The following RPTOR variants were observed in gnomAD, a reference collection of about 807,000 sequenced individuals.
RPTOR encodes the protein regulatory-associated protein of mTOR.
Under a neutral mutation model 169.9 loss-of-function variants are expected in RPTOR, and 21 were observed. The ratio of observed to expected loss-of-function variants is 0.12; its 90% CI spans 0.09 to 0.18. The LOEUF (loss-of-function observed/expected upper bound fraction) is 0.18, where lower values mean the gene tolerates loss of function less well. RPTOR is among the 10% of genes least tolerant of loss of function. The pLI, the probability that RPTOR is intolerant of heterozygous loss-of-function variation, is 1.00. For missense variants in RPTOR, 1,133 were observed against 1,855.9 expected (o/e 0.61, Z 7.16); for synonymous variants, 732 against 753.2 (o/e 0.97, Z 0.46).
At chr17:80,653,960 A>G (rs909062258) in intron 3 of RPTOR, among the ~76,000 whole-genome samples, 1 of 152,110 alleles carries the variant, frequency 6.6e-6, no homozygotes, top group Non-Finnish European at 1.5e-5. Flanking sequence ...AATTCCCCCC[A>G]CAAGAGTGTT....
chr17:80,669,130 A>G (rs1327802843), intron 3 of RPTOR, among the ~76,000 whole-genome samples: 1 of 152,220 alleles, frequency 6.6e-6, no homozygotes, highest in Non-Finnish European at 1.5e-5. Context: ...CTGGCTCAGC[A>G]GGAGCAGCCA....
At chr17:80,650,168 C>T (rs1213261250) in intron 3 of RPTOR, among the ~76,000 whole-genome samples, 1 of 152,218 alleles carries the variant, frequency 6.6e-6, no homozygotes, top group African/African-American at 2.4e-5. Context: ...GACTAGACTC[C>T]TCAGGGTTTC....
intron 2 of RPTOR, among the ~76,000 whole-genome samples, chr17:80,634,201 C>CTG (rs67850541): frequency 4.6e-5 from 5 of 108,568 alleles, no homozygotes; most frequent in African/African-American, 7.6e-5. Flanking sequence ...TGTGTGCATA[C>CTG]TGTGTGTGCA....
rs1037387665 is a variant in RPTOR, at chr17:80,940,087, C to T, written c.2920-409C>T. On this transcript the variant is annotated intron_variant, in intron 24 of 33. Transcript: ENST00000306801. Reference sequence around the variant, plus strand: ...CAGACGAGAAGCCCAAAGCCTTCAGCCTTTGAGAAAGAGGTGCCTTCATCT... The same window carrying T: ...CAGACGAGAAGCCCAAAGCCTTCAGTCTTTGAGAAAGAGGTGCCTTCATCT... 3.9e-5 allele frequency among the ~76,000 whole-genome samples: 6 copies of T among 152,226 alleles called. No homozygotes were observed. The South Asian group carries it at 6.2e-4, about 16-fold the overall frequency.
At chr17:80,784,217 G>A (rs1179746715) in intron 6 of RPTOR, among the ~76,000 whole-genome samples, 4 of 146,930 alleles carry the variant, frequency 2.7e-5, no homozygotes, top group African/African-American at 7.7e-5. Context: ...GGCTCCCAGA[G>A]TGCTGGAATT....
At chr17:80,829,402 G>A (rs1019520308) in intron 9 of RPTOR, among the ~76,000 whole-genome samples, 1 of 152,202 alleles carries the variant, frequency 6.6e-6, no homozygotes, top group Non-Finnish European at 1.5e-5. Flanking sequence ...GCCCACAGTT[G>A]CCAGTCATAG....
chr17:80,877,131 G>A (rs35177169), intron 13 of RPTOR, among the ~76,000 whole-genome samples: 33,209 of 150,364 alleles, frequency 0.22, 4,023 homozygotes, highest in East Asian at 0.39. Flanking sequence ...GCCGTTCTGC[G>A]CGTGTGTGGT....
At chr17:80,920,515 G>A (rs942145838) in intron 21 of RPTOR, among the ~76,000 whole-genome samples, 4 of 152,222 alleles carry the variant, frequency 2.6e-5, no homozygotes, top group Admixed American at 6.5e-5. Flanking sequence ...AATTCATGCC[G>A]AGGCCCGGAT....
At chr17:80,630,503 G>A (rs942024268) in intron 2 of RPTOR, among the ~76,000 whole-genome samples, 3 of 152,216 alleles carry the variant, frequency 2.0e-5, no homozygotes, top group South Asian at 4.1e-4. Context: ...TTGTGATCTT[G>A]AGGCAGAAAT....
chr17:80,942,739 G>C (rs952453755), intron 25 of RPTOR, among the ~76,000 whole-genome samples: 2 of 152,258 alleles, frequency 1.3e-5, no homozygotes, highest in Non-Finnish European at 2.9e-5. Flanking sequence ...CGTCGCCCAG[G>C]AGACGGGGTT....
intron 20 of RPTOR, among the ~76,000 whole-genome samples, chr17:80,905,846 G>A (rs61237932): frequency 0.064 from 9,816 of 152,240 alleles, 868 homozygotes; most frequent in African/African-American, 0.2. Context: ...CCTGGGTTCC[G>A]GGCTTGCCCA....
chr17:80,953,592 A>G (rs776288843), intron 28 of RPTOR, among the ~76,000 whole-genome samples: 27 of 152,266 alleles, frequency 1.8e-4, no homozygotes, highest in Non-Finnish European at 2.9e-4. Context: ...GACAGCACTG[A>G]GCCACTAAAA....
intron 3 of RPTOR, among the ~76,000 whole-genome samples, chr17:80,648,317 CT>C (rs1326911504): frequency 6.6e-6 from 1 of 151,932 alleles, no homozygotes; most frequent in Non-Finnish European, 1.5e-5. Flanking sequence ...ACAGGTGTGT[CT>C]TTTGGATTTT....
At chr17:80,737,208 A>AG (rs2066440678) in intron 5 of RPTOR, among the ~76,000 whole-genome samples, 1 of 152,180 alleles carries the variant, frequency 6.6e-6, no homozygotes. Flanking sequence ...AAGAATGAAG[A>AG]GAAGCTGCCC....
chr17:80,594,304 G>A (rs1404056879), intron 1 of RPTOR, among the ~76,000 whole-genome samples: 1 of 152,148 alleles, frequency 6.6e-6, no homozygotes, highest in African/African-American at 2.4e-5. Flanking sequence ...ATGTTGGCCA[G>A]GCTGGTCTTG....
At chr17:80,953,904 T>A (rs2069214927) in intron 28 of RPTOR, among the ~76,000 whole-genome samples, 1 of 152,226 alleles carries the variant, frequency 6.6e-6, no homozygotes, top group Admixed American at 6.5e-5. Flanking sequence ...AAGCCTGTGA[T>A]CCACCACGGC....
At chr17:80,665,213 A>G (rs1226120151) in intron 3 of RPTOR, among the ~76,000 whole-genome samples, 3 of 152,100 alleles carry the variant, frequency 2.0e-5, no homozygotes, top group African/African-American at 7.2e-5. Context: ...GTTGTTACAC[A>G]TCAAAGACCT....
intron 1 of RPTOR, among the ~76,000 whole-genome samples, chr17:80,569,896 T>C (rs1265853810): frequency 6.6e-6 from 1 of 152,154 alleles, no homozygotes; most frequent in Non-Finnish European, 1.5e-5. Context: ...TCGTTGGAGC[T>C]TGAATGTTTC....
At chr17:80,760,482 A>G (rs917949574) in intron 6 of RPTOR, among the ~76,000 whole-genome samples, 2 of 151,666 alleles carry the variant, frequency 1.3e-5, no homozygotes, top group African/African-American at 4.8e-5. Flanking sequence ...TTGTATTTTT[A>G]GTAGAGATGA....
Sources: allele counts gnomAD v4.1 joint callset (sites outside exome capture counted in the v4.1 genomes callset), GRCh38; gene constraint gnomAD v4.1.1; transcripts MANE v1.5; gene names NCBI Gene and HGNC (gene_info 2026-07-23, HGNC 2026-07-21).